The following ZBTB4 variants were observed in gnomAD, a reference collection of about 807,000 sequenced individuals.
The protein encoded by ZBTB4 is zinc finger and BTB domain-containing protein 4.
A neutral mutation model predicts 59.8 loss-of-function variants in ZBTB4; 14 were observed. That is an observed-to-expected ratio of 0.23 (90% CI 0.15 to 0.37). The LOEUF is 0.37. Among genes scored for constraint, ZBTB4 ranks in the 10% least tolerant of loss-of-function variants. ZBTB4 has a pLI of 1.00. For synonymous variants in ZBTB4, 587 were observed against 575.2 expected, an observed-to-expected ratio of 1.02 and a Z score of -0.29; for missense variants, 1,198 against 1,380.8, an observed-to-expected ratio of 0.87 and a Z score of 2.10.
At chr17:7,477,081 G>C (rs567928243) in intron 1 of ZBTB4, among the ~76,000 whole-genome samples, 4 of 152,298 alleles carry the variant, frequency 2.6e-5, no homozygotes, top group Admixed American at 1.3e-4. Flanking sequence ...TCTGAGGACA[G>C]AGTGGCCACA....
chr17:7,480,727 A>C (rs8076791), upstream of ZBTB4, among the ~76,000 whole-genome samples: 110,543 of 151,388 alleles, frequency 0.73, 40,987 homozygotes, highest in East Asian at 0.91. Flanking sequence ...CTCAAAAAAA[A>C]AACAACAACA....
At chr17:7,481,329 C>T (rs528742941), upstream of ZBTB4, 3,534 of 1,015,564 alleles carry the variant, frequency 3.5e-3, 19 homozygotes, top group Middle Eastern at 0.016. Flanking sequence ...GAAACTTCGT[C>T]GCAAACAAAA....
chr17:7,483,663 T>A (rs1487239950), upstream of ZBTB4, among the ~76,000 whole-genome samples: 1 of 152,160 alleles, frequency 6.6e-6, no homozygotes, highest in Non-Finnish European at 1.5e-5. Context: ...CCCCCAGGAC[T>A]TTCGTGGCCC....
chr17:7,471,759 T>C (rs2070200207), intron 1 of ZBTB4, among the ~76,000 whole-genome samples: 2 of 152,076 alleles, frequency 1.3e-5, no homozygotes, highest in East Asian at 1.9e-4. Flanking sequence ...TGTGGGGTTG[T>C]TGTAAAGATT....
At chr17:7,483,249 G>A, upstream of ZBTB4, 4 of 715,244 alleles carry the variant, frequency 5.6e-6, no homozygotes, top group Non-Finnish European at 8.9e-6. Context: ...GGTAAAGTCT[G>A]AGGAGCAGAT....
Position 7,463,513 on chromosome 17 carries a change from C to T in ZBTB4, c.1469G>A (p.Gly490Asp), listed in dbSNP as rs1292827708. 1 of 1,565,490 alleles carries T rather than the reference C, an allele frequency of 6.4e-7. No homozygotes were observed. The highest frequency in any genetic ancestry group is 8.6e-7 in the Non-Finnish European group (1 of 1,156,250). The change falls in exon 4 of 4, where the codon GGT (glycine) becomes GAT (aspartate). Residue 490 changes from glycine (G) to aspartate (D), a missense_variant. By Grantham distance (94) the Gly-to-Asp change is moderately conservative. Transcript: ENST00000380599. ...SVIVHGGSSS[G>D]GGGSGTASTG... is the part of the protein sequence containing the mutation. ...GCTGGCCGTCCCACTCCCCCCTCCA[C>T]CACTGCTACTGCCCCCATGGACAAT...
chr17:7,475,528 T>G (rs891107870), intron 1 of ZBTB4, among the ~76,000 whole-genome samples: 5 of 150,888 alleles, frequency 3.3e-5, no homozygotes, highest in African/African-American at 1.2e-4. Flanking sequence ...CTCGGCTCAC[T>G]GCAACCTCCG....
upstream of ZBTB4, chr17:7,481,619 C>T (rs542472195): frequency 9.6e-6 from 8 of 836,568 alleles, no homozygotes; most frequent in South Asian, 1.8e-4. Context: ...GAGATACCCA[C>T]AAATAGAATT....
At chr17:7,465,456 T>C (rs1306425416) in intron 3 of ZBTB4, among the ~76,000 whole-genome samples, 1 of 145,456 alleles carries the variant, frequency 6.9e-6, no homozygotes, top group Non-Finnish European at 1.5e-5. Context: ...AGAGAGAGGC[T>C]CTGTCTCAAA....
At chr17:7,481,118 G>A (rs1047311589), upstream of ZBTB4, among the ~76,000 whole-genome samples, 8 of 145,432 alleles carry the variant, frequency 5.5e-5, no homozygotes, top group African/African-American at 2.0e-4. Context: ...GAGATTGCAC[G>A]CACCACTGCA....
chr17:7,466,626 A>G lies in ZBTB4; in HGVS notation c.176T>C (p.Leu59Pro), dbSNP rs373669990. 1 of 1,613,810 alleles carries G rather than the reference A, an allele frequency of 6.2e-7. No homozygotes were observed. The highest frequency in any genetic ancestry group is 8.5e-7 in the Non-Finnish European group (1 of 1,179,970). ...AAGGGGTAGTGGGGCTGAAGTGAGC[A>G]GGGCCTCTCTGAAGAAGGGACTTGA... Reference protein sequence around the residue: ...AASSPFFREALLTSAPLPLPP... With the variant: ...AASSPFFREAPLTSAPLPLPP... Residue 59 changes from leucine to proline, a missense_variant, in exon 3 of 4, where the codon CTG becomes CCG. Physicochemically the swap from Leu to Pro is moderately conservative, Grantham distance 98. This residue lies in a region of ZBTB4 where 44 missense variants were observed against 86.2 expected (regional missense o/e 0.51). Transcript: ENST00000380599. This position sits in a 1 kb window ranked among gnomAD's most constrained non-coding sequence, Gnocchi z 9.1.
intron 1 of ZBTB4, among the ~76,000 whole-genome samples, chr17:7,469,190 T>C (rs1243167203): frequency 6.6e-6 from 1 of 152,106 alleles, no homozygotes; most frequent in Non-Finnish European, 1.5e-5. Context: ...TGTTTTGAGA[T>C]GGAGTCTCGC....
At chr17:7,467,668 G>A (rs567518296) in intron 1 of ZBTB4, among the ~76,000 whole-genome samples, 1 of 152,332 alleles carries the variant, frequency 6.6e-6, no homozygotes, top group South Asian at 2.1e-4. Flanking sequence ...GCCTGTCACA[G>A]CACTCTCAAG....
At chr17:7,480,719 CAAA>C (rs916102831), upstream of ZBTB4, among the ~76,000 whole-genome samples, 8 of 148,746 alleles carry the variant, frequency 5.4e-5, no homozygotes, top group Non-Finnish European at 8.9e-5. Context: ...GACTCCGTCT[CAAA>C]AAAAAAACAA....
At position 7,466,358 on chromosome 17, in the gene ZBTB4, G is replaced by C; in HGVS notation, c.444C>G (p.Leu148=). Residue 148 remains leucine (L), a synonymous_variant, in exon 3 of 4, where the codon CTC becomes CTG. Coordinates refer to ENST00000380599, the MANE Select transcript of ZBTB4 (RefSeq NM_001128833.2). This position sits in a 1 kb window ranked among gnomAD's most constrained non-coding sequence, Gnocchi z 9.1. ...DVLNFIYSAR[L]ALPGGGGDGA... is the part of the protein sequence containing the mutation. ...CGTCCCCTCCACCACCAGGCAGTGCGAGCCGGGCGCTGTAGATGAAGTTGA... is the reference window on the plus strand; with the variant it reads ...CGTCCCCTCCACCACCAGGCAGTGCCAGCCGGGCGCTGTAGATGAAGTTGA... 1.2e-6 allele frequency: 2 copies of C among 1,614,092 alleles called. No individual in the cohort carries two copies. Among genetic ancestry groups the C allele is most frequent in the Non-Finnish European group, 1.7e-6 (2 of 1,180,012 alleles).
intron 1 of ZBTB4, among the ~76,000 whole-genome samples, chr17:7,472,001 C>T (rs1345763173): frequency 6.6e-6 from 1 of 152,120 alleles, no homozygotes; most frequent in African/African-American, 2.4e-5. Flanking sequence ...CAGAGACGCC[C>T]TACATCTTGC....
At chr17:7,463,944 C>G (rs2070074979) in intron 3 of ZBTB4, 54 bp from the exon 4 acceptor site, 1 of 1,558,482 alleles carries the variant, frequency 6.4e-7, no homozygotes, top group Non-Finnish European at 8.6e-7. Flanking sequence ...GAGTCAAGGG[C>G]CCTGAAGCCT....
chr17:7,477,807 T>C (rs1252197521), intron 1 of ZBTB4, among the ~76,000 whole-genome samples: 1 of 152,038 alleles, frequency 6.6e-6, no homozygotes, highest in Non-Finnish European at 1.5e-5. Context: ...CACCCAGCCT[T>C]TACATAAACA....
At chr17:7,467,113 C>T in intron 2 of ZBTB4, 144 bp downstream of exon 2, 4 of 1,165,380 alleles carry the variant, frequency 3.4e-6, no homozygotes, top group Non-Finnish European at 4.3e-6. Context: ...AGGCAAATCT[C>T]TCTCATGGGA....
Sources: allele counts gnomAD v4.1 joint callset (sites outside exome capture counted in the v4.1 genomes callset), GRCh38; gene constraint gnomAD v4.1.1; regional missense constraint gnomAD v4.1.1; non-coding constraint Gnocchi (gnomAD v3.1); transcripts MANE v1.5; gene names NCBI Gene and HGNC (gene_info 2026-07-23, HGNC 2026-07-21).